The following PSMD14 variants were observed in gnomAD, a reference collection of about 807,000 sequenced individuals.
PSMD14 encodes ubiquitin C-terminal hydrolase PSMD14.
A neutral mutation model predicts 41.2 loss-of-function variants in PSMD14; 7 were observed. The observed-to-expected ratio is 0.17, with a 90% CI of 0.10 to 0.32. PSMD14 has a LOEUF of 0.32. Among genes scored for constraint, PSMD14 ranks in the 10% least tolerant of loss-of-function variants. The probability of loss-of-function intolerance (pLI) is 1.00; values close to 1 mark genes in which losing one functional copy is unlikely to be tolerated. For synonymous variants in PSMD14, 114 were observed against 122.3 expected, an observed-to-expected ratio of 0.93 and a Z score of 0.45; for missense variants, 139 against 375.6, an observed-to-expected ratio of 0.37 and a Z score of 5.21.
chr2:161,345,006 T>G (rs1683019915), intron 3 of PSMD14, among the ~76,000 whole-genome samples: 1 of 152,148 alleles, frequency 6.6e-6, no homozygotes, highest in Admixed American at 6.5e-5. Flanking sequence ...TTCAAGAGTT[T>G]TATTGTTTTA....
intron 10 of PSMD14, among the ~76,000 whole-genome samples, chr2:161,396,466 C>G (rs1683797819): frequency 6.6e-6 from 1 of 152,132 alleles, no homozygotes; most frequent in Admixed American, 6.5e-5. Context: ...AAAGGAAATC[C>G]TGTCATTTAT....
chr2:161,339,742 A>C (rs1249382755), intron 3 of PSMD14, among the ~76,000 whole-genome samples: 1 of 152,258 alleles, frequency 6.6e-6, no homozygotes, highest in African/African-American at 2.4e-5. Context: ...CTCTGTGTTG[A>C]AGGCAATGAC....
chr2:161,311,354 A>G (rs1056737518), intron 1 of PSMD14, among the ~76,000 whole-genome samples: 2 of 151,860 alleles, frequency 1.3e-5, no homozygotes, highest in African/African-American at 4.8e-5. Context: ...ATGTATAGAC[A>G]TTTTTTTTCA....
chr2:161,409,571 C>T (rs1683997798), intron 11 of PSMD14: 1 of 152,138 alleles, frequency 6.6e-6, no homozygotes, highest in Non-Finnish European at 1.5e-5. Context: ...GCCATCCTAC[C>T]ATATGCTCTG....
At chr2:161,400,420 G>A (rs545476316) in intron 10 of PSMD14, among the ~76,000 whole-genome samples, 27 of 152,094 alleles carry the variant, frequency 1.8e-4, no homozygotes, top group Admixed American at 6.5e-4. Context: ...GATTACAACC[G>A]GCCCTGGAAC....
chr2:161,324,646 T>C (rs988678828), intron 3 of PSMD14, among the ~76,000 whole-genome samples: 4 of 151,906 alleles, frequency 2.6e-5, no homozygotes, highest in African/African-American at 9.7e-5. Context: ...TTTTTTTTTT[T>C]TGAAGTATGA....
intron 4 of PSMD14, 89 bp from the exon 5 acceptor site, chr2:161,367,695 C>A: frequency 6.6e-7 from 1 of 1,503,932 alleles, no homozygotes; most frequent in Non-Finnish European, 8.9e-7. Context: ...TTTATTTTCA[C>A]TGGAACAAAA....
intron 8 of PSMD14, among the ~76,000 whole-genome samples, chr2:161,389,532 T>C (rs1683678875): frequency 2.0e-5 from 3 of 152,184 alleles, no homozygotes; most frequent in Non-Finnish European, 4.4e-5. Context: ...TAATATACAC[T>C]CTTGGTACTT....
intron 3 of PSMD14, among the ~76,000 whole-genome samples, chr2:161,327,539 T>G (rs1011194107): frequency 3.9e-5 from 6 of 152,124 alleles, no homozygotes; most frequent in African/African-American, 1.2e-4. Flanking sequence ...CCCCATTTTT[T>G]GGGGCAGAAA....
At chr2:161,313,179 A>C (rs1272186676) in intron 1 of PSMD14, among the ~76,000 whole-genome samples, 1 of 152,148 alleles carries the variant, frequency 6.6e-6, no homozygotes, top group Non-Finnish European at 1.5e-5. Flanking sequence ...TGGCACTCTG[A>C]CTGTAGAGTC....
chr2:161,327,362 G>A (rs1225648844), intron 3 of PSMD14, among the ~76,000 whole-genome samples: 1 of 152,126 alleles, frequency 6.6e-6, no homozygotes, highest in Non-Finnish European at 1.5e-5. Flanking sequence ...CTTAAAAACA[G>A]TTAAAGTGGC....
chr2:161,312,354 G>T (rs1402382168), intron 1 of PSMD14, among the ~76,000 whole-genome samples: 1 of 152,062 alleles, frequency 6.6e-6, no homozygotes, highest in Non-Finnish European at 1.5e-5. Context: ...ATGTTGGCCA[G>T]GCTGGTCTTG....
intron 3 of PSMD14, among the ~76,000 whole-genome samples, chr2:161,362,047 G>C (rs1045224258): frequency 2.6e-5 from 4 of 151,906 alleles, no homozygotes; most frequent in African/African-American, 9.7e-5. Context: ...TTAGTAATGT[G>C]TACATTGCTT....
chr2:161,312,588 A>T (rs943832947), intron 1 of PSMD14, among the ~76,000 whole-genome samples: 30 of 152,204 alleles, frequency 2.0e-4, no homozygotes, highest in African/African-American at 6.5e-4. Context: ...ACCAGTTAGG[A>T]TTCTAAATAT....
intron 3 of PSMD14, among the ~76,000 whole-genome samples, chr2:161,321,080 T>C (rs1254329863): frequency 6.6e-6 from 1 of 152,182 alleles, no homozygotes; most frequent in Non-Finnish European, 1.5e-5. Context: ...ATAGCTATCT[T>C]TTCATTAGAT....
At chr2:161,391,202 A>G in intron 9 of PSMD14, 24 bp downstream of exon 9, 1 of 1,487,058 alleles carries the variant, frequency 6.7e-7, no homozygotes, top group African/African-American at 1.4e-5. Context: ...TTTATCTTAT[A>G]GGAGGAAAAA....
At chr2:161,331,377 C>T (rs1333318596) in intron 3 of PSMD14, among the ~76,000 whole-genome samples, 2 of 152,056 alleles carry the variant, frequency 1.3e-5, no homozygotes, top group East Asian at 1.9e-4. Flanking sequence ...GTTCTCCTGC[C>T]TCAGCCTCCT....
intron 3 of PSMD14, among the ~76,000 whole-genome samples, chr2:161,341,800 T>C (rs1249551553): frequency 6.9e-6 from 1 of 145,330 alleles, no homozygotes; most frequent in East Asian, 2.0e-4. Context: ...GATCAGCCAC[T>C]GCACTCCAGC....
chr2:161,344,953 A>G (rs1309328736), intron 3 of PSMD14, among the ~76,000 whole-genome samples: 2 of 152,146 alleles, frequency 1.3e-5, no homozygotes, highest in South Asian at 2.1e-4. Flanking sequence ...ATGCTAAGAA[A>G]TGCTTGTCTA....
Sources: gnomAD v4.1 joint callset for allele counts (sites outside exome capture counted in the v4.1 genomes callset) on GRCh38, gnomAD v4.1.1 for gene constraint, MANE v1.5 for transcripts, NCBI Gene and HGNC (gene_info 2026-07-23, HGNC 2026-07-21) for gene names.